DPP10: variants seen among roughly 807,000 people sequenced by gnomAD.
DPP10 encodes the protein dipeptidyl peptidase like 10.
DPP10 carries 33 observed loss-of-function variants against 120.9 expected under a neutral mutation model. That is an observed-to-expected ratio of 0.27 (90% CI 0.21 to 0.37). DPP10 has a LOEUF of 0.37. DPP10 is among the 10% of genes least tolerant of loss of function. The pLI is 1.00. For missense variants in DPP10, 816 were observed against 942.8 expected, an observed-to-expected ratio of 0.87 and a Z score of 1.76; for synonymous variants, 337 against 326.1, an observed-to-expected ratio of 1.03 and a Z score of -0.36.
intron 1 of DPP10, among the ~76,000 whole-genome samples, chr2:115,271,733 G>A (rs777115726): frequency 3.8e-4 from 58 of 152,092 alleles, no homozygotes; most frequent in Admixed American, 6.5e-4. Context: ...TGAAAAAATG[G>A]CAACAGCTTT....
Position 114,442,690 on chromosome 2 carries a change from G to T in DPP10, c.-89G>T. On this transcript the variant is annotated 5_prime_UTR_variant, in exon 1 of 26. Coordinates refer to ENST00000410059, the MANE Select transcript of DPP10 (RefSeq NM_020868.6). ...AGCAGCGGCAGCAGCAACAGCAGCA[G>T]CCCCTACTGAAGTCCAATAGAGGAG... 2.1e-6 allele frequency: 3 copies of T among 1,454,492 alleles called. No homozygotes were observed. The highest frequency in any genetic ancestry group is 2.9e-6 in the Non-Finnish European group (3 of 1,046,764). 90.1% of individuals were successfully genotyped at this position (1,454,492 alleles called of 1,614,324 possible).
intron 1 of DPP10, among the ~76,000 whole-genome samples, chr2:114,782,473 A>T (rs1281102619): frequency 6.6e-6 from 1 of 152,006 alleles, no homozygotes; most frequent in Non-Finnish European, 1.5e-5. Flanking sequence ...TCTAATTCTA[A>T]TTTATACAAA....
At chr2:114,792,193 T>G (rs1027340762) in intron 1 of DPP10, among the ~76,000 whole-genome samples, 1 of 152,190 alleles carries the variant, frequency 6.6e-6, no homozygotes, top group Non-Finnish European at 1.5e-5. Flanking sequence ...AGAAAATCTT[T>G]AAGATAGTGC....
intron 5 of DPP10, among the ~76,000 whole-genome samples, chr2:115,684,706 T>G (rs2090878243): frequency 6.6e-6 from 1 of 151,924 alleles, no homozygotes; most frequent in African/African-American, 2.4e-5. Context: ...ACACTGCTCT[T>G]TTTTCTTTTA....
In DPP10 at chr2:114,643,748, AGTTT is replaced by A. The variant is rs562773830; in HGVS notation, c.60+200919_60+200922del. 1.8e-4 allele frequency among the ~76,000 whole-genome samples: 27 copies of A among 151,516 alleles called. No homozygotes were observed. The East Asian group carries it at 2.1e-3, about 12-fold the overall frequency. On this transcript the variant is annotated intron_variant, in intron 1 of 25. Transcript: ENST00000410059. The stretch of plus-strand genomic sequence containing the variant: ...TGTGGTTAAACTCCTTCCAGGTTCT[AGTTT>A]GTTTGTTTATTTATTTATTGGAAGA...
intron 1 of DPP10, among the ~76,000 whole-genome samples, chr2:115,001,624 A>T (rs1303976219): frequency 6.6e-6 from 1 of 152,192 alleles, no homozygotes; most frequent in Non-Finnish European, 1.5e-5. Flanking sequence ...TGCAGACATG[A>T]TTCTATAGCT....
At chr2:114,542,910 C>T (rs1379802220) in intron 1 of DPP10, among the ~76,000 whole-genome samples, 2 of 152,098 alleles carry the variant, frequency 1.3e-5, no homozygotes, top group African/African-American at 4.8e-5. Flanking sequence ...GGCTCTATTT[C>T]CTCCTTCCCC....
At chr2:114,940,184 T>A (rs80002212) in intron 1 of DPP10, among the ~76,000 whole-genome samples, 1,556 of 152,278 alleles carry the variant, frequency 0.01, 12 homozygotes, top group Non-Finnish European at 0.016. Flanking sequence ...AATCGAAGGT[T>A]AATGCACAAT....
Position 115,189,293 on chromosome 2 carries a change from C to T in DPP10, c.61-119946C>T, listed in dbSNP as rs143207830. ...TTTTAAAGAGATCAGGGGTATAAGC[C>T]GGAGTGGCGGGGTGAGTAGTTTGGC... On this transcript the variant is annotated intron_variant, in intron 1 of 25. Coordinates refer to ENST00000410059, the MANE Select transcript of DPP10 (RefSeq NM_020868.6). 2.2e-3 allele frequency among the ~76,000 whole-genome samples: 329 copies of T among 152,088 alleles called. 6 individuals carry two copies. The highest frequency in any genetic ancestry group is 0.014 in the Middle Eastern group (4 of 294).
intron 1 of DPP10, among the ~76,000 whole-genome samples, chr2:114,893,266 T>C (rs1256434028): frequency 6.6e-6 from 1 of 152,196 alleles, no homozygotes; most frequent in African/African-American, 2.4e-5. Flanking sequence ...ATGAAATATA[T>C]TGCGTATCTA....
chr2:115,514,914 A>G (rs971783909), intron 4 of DPP10, among the ~76,000 whole-genome samples: 3 of 151,846 alleles, frequency 2.0e-5, no homozygotes, highest in Non-Finnish European at 3.0e-5. Context: ...ATATATCTTC[A>G]TGGATCTATA....
intron 24 of DPP10, among the ~76,000 whole-genome samples, chr2:115,838,101 G>A (rs1311338287): frequency 3.9e-5 from 6 of 152,192 alleles, no homozygotes; most frequent in Admixed American, 1.3e-4. Context: ...ACTGGAGGAC[G>A]GGTATCCAGG....
intron 5 of DPP10, among the ~76,000 whole-genome samples, chr2:115,559,645 T>A (rs1340288560): frequency 6.6e-6 from 1 of 152,130 alleles, no homozygotes. Flanking sequence ...GTTTGTGGTT[T>A]GTATTTTTGT....
At chr2:115,263,533 A>C (rs2059338060) in intron 1 of DPP10, among the ~76,000 whole-genome samples, 1 of 152,364 alleles carries the variant, frequency 6.6e-6, no homozygotes, top group African/African-American at 2.4e-5. Flanking sequence ...GAGCTTGCCT[A>C]GTCAAGCTTC....
At chr2:115,470,885 T>A (rs1478189751) in intron 3 of DPP10, among the ~76,000 whole-genome samples, 2 of 152,214 alleles carry the variant, frequency 1.3e-5, no homozygotes, top group African/African-American at 4.8e-5. Context: ...CCTTTCTTAT[T>A]ATTTTACTGC....
chr2:115,530,773 G>A (rs1439376577), intron 5 of DPP10, among the ~76,000 whole-genome samples: 2 of 152,106 alleles, frequency 1.3e-5, no homozygotes, highest in African/African-American at 4.8e-5. Flanking sequence ...CATCTGGAGA[G>A]TTTTACAAAT....
At chr2:114,908,224 G>A (rs1387435418) in intron 1 of DPP10, among the ~76,000 whole-genome samples, 2 of 151,958 alleles carry the variant, frequency 1.3e-5, no homozygotes, top group African/African-American at 2.4e-5. Context: ...CCCTTCCAAA[G>A]TGTATAATTG....
At chr2:115,395,027 G>T (rs1037687756) in intron 3 of DPP10, among the ~76,000 whole-genome samples, 3 of 152,322 alleles carry the variant, frequency 2.0e-5, no homozygotes, top group Non-Finnish European at 2.9e-5. Context: ...TCTCAAAGCT[G>T]TTTTCACGTA....
chr2:115,696,647 G>A (rs1309108100), intron 7 of DPP10, among the ~76,000 whole-genome samples: 1 of 152,196 alleles, frequency 6.6e-6, no homozygotes, highest in African/African-American at 2.4e-5. Context: ...ACACTAGGCA[G>A]TGATTTGAAG....
Sources: gnomAD v4.1 joint callset for allele counts (sites outside exome capture counted in the v4.1 genomes callset) on GRCh38, gnomAD v4.1.1 for gene constraint, MANE v1.5 for transcripts, NCBI Gene and HGNC (gene_info 2026-07-23, HGNC 2026-07-21) for gene names.